Variants in OTULIN observed in about 807,000 individuals in gnomAD.
The protein encoded by OTULIN is ubiquitin thioesterase otulin.
A neutral mutation model predicts 39.6 loss-of-function variants in OTULIN; 15 were observed. The ratio of observed to expected loss-of-function variants is 0.38; its 90% CI spans 0.25 to 0.58. OTULIN has a LOEUF of 0.58. Ranked by LOEUF, OTULIN falls within the 20% of genes least tolerant of loss-of-function variation. OTULIN has a pLI of 0.66. For missense variants in OTULIN, 319 were observed against 445.9 expected, an observed-to-expected ratio of 0.72 and a Z score of 2.56; for synonymous variants, 156 against 170.3, an observed-to-expected ratio of 0.92 and a Z score of 0.65.
At chr5:14,711,353 A>G in the OTULIN span, 3 of 1,536,228 alleles carry the variant, frequency 2.0e-6, no homozygotes, top group Non-Finnish European at 2.7e-6. Flanking sequence ...GTGGATGGGG[A>G]CACTGCACAG....
rs986694675 is a variant in OTULIN, at chr5:14,695,428, A to G, written c.*2380A>G. On this transcript the variant is annotated 3_prime_UTR_variant, in exon 7 of 7. Transcript: ENST00000284274. ...TCCACTTAGAGCAGTCTTCAAAATG[A>G]TAAGGTGTTCTAGAAGAAAGGAATG... 6.6e-6 allele frequency: 1 copy of G among 152,200 alleles called. No individual in the cohort carries two copies. Among genetic ancestry groups the G allele is most frequent in the Non-Finnish European group, 1.5e-5 (1 of 68,034 alleles). The allele number at this position is 152,200 out of a possible 1,614,324, so 9.4% of individuals were successfully genotyped here.
At chr5:14,669,631 G>T (rs1337941954) in intron 1 of OTULIN, among the ~76,000 whole-genome samples, 1 of 152,066 alleles carries the variant, frequency 6.6e-6, no homozygotes, top group African/African-American at 2.4e-5. Context: ...AAATTAGCCA[G>T]ATGTGGTGGT....
At chr5:14,676,159 C>T (rs1298011782) in intron 2 of OTULIN, among the ~76,000 whole-genome samples, 1 of 152,200 alleles carries the variant, frequency 6.6e-6, no homozygotes, top group Non-Finnish European at 1.5e-5. Flanking sequence ...TGATTCTTGT[C>T]TTTGTCACCC....
intron 3 of OTULIN, 45 bp from the exon 4 acceptor site, chr5:14,681,419 C>T (rs747501936): frequency 6.4e-7 from 1 of 1,553,056 alleles, no homozygotes; most frequent in Non-Finnish European, 8.7e-7. Flanking sequence ...TCTGCTATCT[C>T]AAGTCAGTAA....
chr5:14,711,039 T>C, the OTULIN span: 4 of 718,200 alleles, frequency 5.6e-6, no homozygotes, highest in Non-Finnish European at 1.0e-5. Context: ...GCATACCCAG[T>C]ATGCTAGAGA....
chr5:14,683,273 A>C (rs1016711197), intron 4 of OTULIN, among the ~76,000 whole-genome samples: 5 of 152,176 alleles, frequency 3.3e-5, no homozygotes, highest in Middle Eastern at 3.4e-3. Flanking sequence ...AAAAAAACCA[A>C]AACCAACATC....
At chr5:14,712,782 A>C in the OTULIN span, 1 of 1,293,130 alleles carries the variant, frequency 7.7e-7, no homozygotes. Flanking sequence ...CCACTGACGA[A>C]CGCCACCATC....
the OTULIN span, chr5:14,713,581 C>T: frequency 3.1e-6 from 5 of 1,614,194 alleles, no homozygotes; most frequent in Non-Finnish European, 3.4e-6. The surrounding 1 kb of genome is among the most constrained non-coding windows in gnomAD (Gnocchi z 4.4). Context: ...GCGATGAGGA[C>T]GATGATCCGC....
chr5:14,691,520 T>G (rs765072752), intron 6 of OTULIN, among the ~76,000 whole-genome samples: 1 of 152,170 alleles, frequency 6.6e-6, no homozygotes, highest in Non-Finnish European at 1.5e-5. Flanking sequence ...AAAAGGCTTA[T>G]AGAGGATGGT....
At position 14,694,914 on chromosome 5, in the gene OTULIN, T is replaced by C. The variant is rs965420910; in HGVS notation, c.*1866T>C. 3 of 152,616 alleles carry C rather than the reference T, an allele frequency of 2.0e-5. No individual in the cohort carries two copies. The highest frequency in any genetic ancestry group is 7.2e-5 in the African/African-American group (3 of 41,448). 9.5% of individuals were successfully genotyped at this position (152,616 alleles called of 1,614,324 possible). A position where few individuals can be genotyped will look rare whatever the true frequency, so the allele number is the denominator to read the frequency against. ...AAATGCTTATCATTAATTTCTGATG[T>C]TTTTTAAAGCACAACTCGAAACATT... is the stretch of plus-strand genomic sequence containing the variant. On this transcript the variant is annotated 3_prime_UTR_variant, in exon 7 of 7. Coordinates refer to ENST00000284274, the MANE Select transcript of OTULIN (RefSeq NM_138348.6).
At chr5:14,673,945 C>T (rs1039619487) in intron 2 of OTULIN, 4 of 317,702 alleles carry the variant, frequency 1.3e-5, no homozygotes, top group African/African-American at 8.7e-5. Flanking sequence ...GTTTTTCACA[C>T]CTATGAGGAT....
At chr5:14,683,559 T>C (rs1328039378) in intron 4 of OTULIN, among the ~76,000 whole-genome samples, 1 of 152,184 alleles carries the variant, frequency 6.6e-6, no homozygotes, top group Non-Finnish European at 1.5e-5. Flanking sequence ...ACTGTAGATA[T>C]ATATGACACA....
the OTULIN span, chr5:14,713,660 C>T: frequency 6.2e-7 from 1 of 1,614,028 alleles, no homozygotes; most frequent in South Asian, 1.1e-5. This position sits in a 1 kb window ranked among gnomAD's most constrained non-coding sequence, Gnocchi z 4.4. Flanking sequence ...GATGCGCCCT[C>T]ACTGTGACTG....
At chr5:14,713,644 C>T in the OTULIN span, 1 of 1,614,110 alleles carries the variant, frequency 6.2e-7, no homozygotes, top group South Asian at 1.1e-5. This position sits in a 1 kb window ranked among gnomAD's most constrained non-coding sequence, Gnocchi z 4.4. Context: ...ATCAGCCACC[C>T]GGTGAGATGC....
At chr5:14,706,719 A>G in the OTULIN span, 1 of 152,190 alleles carries the variant, frequency 6.6e-6, no homozygotes, top group Non-Finnish European at 1.5e-5. Context: ...ATCCTGTTTT[A>G]AGTGTGATTA....
the OTULIN span, among the ~76,000 whole-genome samples, chr5:14,712,371 C>T: frequency 6.6e-6 from 1 of 152,128 alleles, no homozygotes; most frequent in Non-Finnish European, 1.5e-5. Flanking sequence ...GATGTGGCTT[C>T]CTACTTCACT....
intron 2 of OTULIN, among the ~76,000 whole-genome samples, chr5:14,676,839 A>C (rs968559082): frequency 3.3e-5 from 5 of 152,204 alleles, no homozygotes; most frequent in African/African-American, 1.2e-4. Context: ...AGACAGCTAC[A>C]TGAGAATGCT....
At chr5:14,679,406 A>G (rs913550105) in intron 3 of OTULIN, among the ~76,000 whole-genome samples, 1 of 152,196 alleles carries the variant, frequency 6.6e-6, no homozygotes, top group Non-Finnish European at 1.5e-5. Context: ...ATGTATACCA[A>G]ATCCAGTATT....
chr5:14,676,502 C>G (rs1736109361), intron 2 of OTULIN, among the ~76,000 whole-genome samples: 2 of 152,224 alleles, frequency 1.3e-5, no homozygotes. Flanking sequence ...TTTCCCAACC[C>G]TCACTACGCT....
Sources: gnomAD v4.1 joint callset for allele counts (sites outside exome capture counted in the v4.1 genomes callset) on GRCh38, gnomAD v4.1.1 for gene constraint, Gnocchi (gnomAD v3.1) non-coding constraint, MANE v1.5 for transcripts, NCBI Gene and HGNC (gene_info 2026-07-23, HGNC 2026-07-21) for gene names.